The following AZIN1 variants were observed in gnomAD, a reference collection of about 807,000 sequenced individuals.
AZIN1 encodes ornithine decarboxylase antizyme inhibitor.
A neutral mutation model predicts 47.4 loss-of-function variants in AZIN1; 12 were observed. That is an observed-to-expected ratio of 0.25 (90% CI 0.16 to 0.41). The LOEUF (loss-of-function observed/expected upper bound fraction) is 0.41, where lower values mean the gene tolerates loss of function less well. Among genes scored for constraint, AZIN1 ranks in the 10% least tolerant of loss-of-function variants. The probability of loss-of-function intolerance (pLI) is 1.00; values close to 1 mark genes in which losing one functional copy is unlikely to be tolerated. For missense variants in AZIN1, 410 were observed against 532.4 expected (o/e 0.77, Z 2.26); for synonymous variants, 155 against 176.3 (o/e 0.88, Z 0.96).
intron 5 of AZIN1, 76 bp from the exon 6 acceptor site, chr8:102,836,466 G>C: frequency 6.8e-7 from 1 of 1,481,436 alleles, no homozygotes; most frequent in Non-Finnish European, 9.3e-7. Context: ...AAGATTGTAG[G>C]AAGTGTGTTG....
chr8:102,859,841 A>T (rs938032965), intron 1 of AZIN1, among the ~76,000 whole-genome samples: 1 of 152,148 alleles, frequency 6.6e-6, no homozygotes, highest in African/African-American at 2.4e-5. Flanking sequence ...GTCTCCAAAA[A>T]AAGAAAAGAA....
chr8:102,834,153 A>C (rs1399137304), intron 8 of AZIN1, 36 bp downstream of exon 8: 2 of 1,555,802 alleles, frequency 1.3e-6, no homozygotes, highest in Non-Finnish European at 8.8e-7. Context: ...CAAAGAAAGC[A>C]ATTATTCTGT....
In AZIN1 at chr8:102,826,986, AT is replaced by A. The variant is rs761672605; in HGVS notation, c.*1580del. ...AAATGGGCATTAATCAAATCAAAAA[AT>A]ATTAAGCACCTACTGGTTTAAGAGA... On this transcript the variant is annotated 3_prime_UTR_variant, in exon 12 of 12. Transcript: ENST00000337198. The A allele has an allele frequency of 6.6e-6, 1 of 152,618 alleles. No individual in the cohort carries two copies. Among genetic ancestry groups the A allele is most frequent in the Non-Finnish European group, 1.5e-5 (1 of 68,032 alleles). The allele number at this position is 152,618 out of a possible 1,614,324, so 9.5% of individuals were successfully genotyped here.
At chr8:102,859,371 T>C (rs1813487915) in intron 1 of AZIN1, among the ~76,000 whole-genome samples, 1 of 152,198 alleles carries the variant, frequency 6.6e-6, no homozygotes, top group Non-Finnish European at 1.5e-5. Context: ...GGTAAGACAT[T>C]ATTCATCTTT....
chr8:102,843,299 G>C (rs1260333911), intron 3 of AZIN1, among the ~76,000 whole-genome samples: 1 of 151,652 alleles, frequency 6.6e-6, no homozygotes, highest in African/African-American at 2.4e-5. Context: ...AGAATAAACA[G>C]AACATATGTG....
intron 11 of AZIN1, 93 bp from the exon 12 acceptor site, chr8:102,828,771 G>T: frequency 1.3e-6 from 1 of 751,090 alleles, no homozygotes; most frequent in Non-Finnish European, 2.2e-6. Flanking sequence ...ATTATAACTA[G>T]TCTTCCAAAA....
At chr8:102,829,753 G>C in intron 10 of AZIN1, 68 bp downstream of exon 10, 3 of 1,179,968 alleles carry the variant, frequency 2.5e-6, no homozygotes, top group Non-Finnish European at 3.7e-6. Flanking sequence ...AAACTGGGAA[G>C]CATCTTAAAA....
At chr8:102,853,556 T>TA (rs112906701) in intron 2 of AZIN1, among the ~76,000 whole-genome samples, 29 of 152,108 alleles carry the variant, frequency 1.9e-4, no homozygotes, top group African/African-American at 6.3e-4. Context: ...TTGACCTTCC[T>TA]AAAAAAAATG....
intron 1 of AZIN1, among the ~76,000 whole-genome samples, chr8:102,860,594 TCAAGCTGG>T (rs1317867185): frequency 2.6e-5 from 4 of 152,118 alleles, no homozygotes; most frequent in African/African-American, 4.8e-5. Context: ...AAATAGGAAT[TCAAGCTGG>T]CCTTGAATTC....
Position 102,828,577 on chromosome 8 carries a change from G to A in AZIN1, c.1337C>T (p.Ala446Val). 6.2e-7 allele frequency: 1 copy of A among 1,606,110 alleles called. No individual in the cohort carries two copies. ...IQLSQEDSFS[A>V]EA ...AGCGTTAATGCCTGTTTAAGCTTCA[G>A]CGGAAAAGCTGTCTTCTTGGCTCAG... is the stretch of plus-strand genomic sequence containing the variant. The change falls in exon 12 of 12, where the codon GCT becomes GTT. Residue 446 changes from alanine (A) to valine (V), a missense_variant. Around this residue, in one of 3 missense-constraint regions of AZIN1, gnomAD observed 168 missense variants for 198.3 expected, o/e 0.85. Transcript: ENST00000337198.
intron 5 of AZIN1, 44 bp from the exon 6 acceptor site, chr8:102,836,434 T>C: frequency 1.3e-6 from 2 of 1,593,406 alleles, no homozygotes; most frequent in Non-Finnish European, 8.6e-7. Flanking sequence ...GTTTACATCA[T>C]CATCAGCACA....
chr8:102,853,226 C>T (rs375963045), intron 2 of AZIN1, among the ~76,000 whole-genome samples: 6 of 152,338 alleles, frequency 3.9e-5, no homozygotes, highest in East Asian at 3.9e-4. Flanking sequence ...GGTCTATGGT[C>T]GGGCGCAGTG....
intron 5 of AZIN1, among the ~76,000 whole-genome samples, chr8:102,838,373 C>T (rs1184177217): frequency 1.3e-5 from 2 of 152,088 alleles, no homozygotes; most frequent in Non-Finnish European, 2.9e-5. Flanking sequence ...CTCAGCTAAA[C>T]AGGAAAAAAT....
At position 102,829,463 on chromosome 8, in the gene AZIN1, C is replaced by G; in HGVS notation, c.1044G>C (p.Leu348=). The part of the protein sequence containing the change: ...VHKKYKEDEP[L]FTSSLWGPSC... ...ATGGACCCCAAAGGCTGCTTGTAAA[C>G]AGAGGCTCATCTTCCTTGTATTTCT... The change falls in exon 11 of 12, where the codon CTG becomes CTC. Residue 348 remains leucine (L), a synonymous_variant. Transcript: ENST00000337198. 6.2e-7 allele frequency: 1 copy of G among 1,611,048 alleles called. No homozygotes were observed. Among genetic ancestry groups the G allele is most frequent in the Non-Finnish European group, 8.5e-7 (1 of 1,179,214 alleles).
At chr8:102,856,103 T>G (rs1198499518) in intron 2 of AZIN1, 2 of 150,946 alleles carry the variant, frequency 1.3e-5, no homozygotes, top group Admixed American at 6.6e-5. Context: ...GTTTTTTTTT[T>G]TTTTTCCCAA....
intron 11 of AZIN1, 93 bp downstream of exon 11, chr8:102,829,179 T>A (rs921478661): frequency 1.8e-6 from 2 of 1,121,768 alleles, no homozygotes; most frequent in African/African-American, 3.1e-5. Flanking sequence ...ACTGTACTTC[T>A]AAGTTTAGCA....
At chr8:102,846,794 C>A (rs774498872) in intron 2 of AZIN1, among the ~76,000 whole-genome samples, 1 of 152,136 alleles carries the variant, frequency 6.6e-6, no homozygotes, top group Non-Finnish European at 1.5e-5. Flanking sequence ...AACATTATCA[C>A]GCCTACTCAC....
chr8:102,834,694 G>T lies in AZIN1; in HGVS notation c.638C>A (p.Ser213Tyr). The T allele has an allele frequency of 2.5e-6, 4 of 1,611,482 alleles. No individual in the cohort carries two copies. The South Asian group carries it at 3.3e-5, about 13-fold the overall frequency. Residue 213 changes from serine (S) to tyrosine (Y), a missense_variant, in exon 7 of 12, where the codon TCT becomes TAT. Ser to Tyr is a moderately radical substitution (Grantham distance 144). This residue lies in a region of AZIN1 where 237 missense variants were observed against 309.4 expected (regional missense o/e 0.77). Coordinates refer to ENST00000337198, the MANE Select transcript of AZIN1 (RefSeq NM_148174.4). ...KESQVYVHAL[S>Y]DARCVFDMAG... Reference sequence around the variant, plus strand: ...CATGTCAAACACACATCGAGCATCAGATAGAGCATGTACATATACTTGAGA... The same window carrying T: ...CATGTCAAACACACATCGAGCATCATATAGAGCATGTACATATACTTGAGA...
chr8:102,863,711 C>T (rs561467770), intron 1 of AZIN1, 96 bp downstream of exon 1: 2 of 151,702 alleles, frequency 1.3e-5, no homozygotes, highest in South Asian at 3.9e-4. Context: ...GCGGGGACGT[C>T]TTAAGGGCGG....
Sources: gnomAD v4.1 joint callset for allele counts (sites outside exome capture counted in the v4.1 genomes callset) on GRCh38, gnomAD v4.1.1 for gene constraint, gnomAD v4.1.1 regional missense constraint, MANE v1.5 for transcripts, NCBI Gene and HGNC (gene_info 2026-07-23, HGNC 2026-07-21) for gene names.